CSMD1: variants seen among roughly 807,000 people sequenced by gnomAD.
CSMD1 encodes CUB and Sushi multiple domains 1.
A neutral mutation model predicts 417.5 loss-of-function variants in CSMD1; 213 were observed. The ratio of observed to expected loss-of-function variants is 0.51; its 90% CI spans 0.46 to 0.57. CSMD1 has a LOEUF of 0.57. Among genes scored for constraint, CSMD1 ranks in the 20% least tolerant of loss-of-function variants. The pLI is 0.00. For synonymous variants in CSMD1, 2,862 were observed against 1,736.8 expected, an observed-to-expected ratio of 1.65 and a Z score of -16.11; for missense variants, 6,923 against 4,529.7, an observed-to-expected ratio of 1.53 and a Z score of -15.17.
intron 3 of CSMD1, among the ~76,000 whole-genome samples, chr8:4,111,792 A>AT (rs1472776752): frequency 2.0e-5 from 3 of 152,172 alleles, no homozygotes; most frequent in Admixed American, 6.5e-5. Context: ...GAGGGAGAGC[A>AT]TCAGGATAAA....
At chr8:4,803,845 T>G (rs1191636533) in intron 1 of CSMD1, among the ~76,000 whole-genome samples, 1 of 152,212 alleles carries the variant, frequency 6.6e-6, no homozygotes, top group Non-Finnish European at 1.5e-5. Context: ...TAATTATGTG[T>G]GTGTTACATA....
rs1804890469 is a variant in CSMD1 at position 3,863,753 on chromosome 8, T to C, written c.819-109711A>G. Among the ~76,000 whole-genome samples, 3 of 152,186 alleles carry C rather than the reference T, an allele frequency of 2.0e-5. No homozygotes were observed. The South Asian group carries it at 6.2e-4, about 31-fold the overall frequency. ...TTTGTTTTCATTTCAAATGTTAAACTACCCAGAAGAGAATTTTCTACTAGT... is the reference window on the plus strand; with the variant it reads ...TTTGTTTTCATTTCAAATGTTAAACCACCCAGAAGAGAATTTTCTACTAGT... On this transcript the variant is annotated intron_variant, in intron 5 of 69. Coordinates refer to ENST00000635120, the MANE Select transcript of CSMD1 (RefSeq NM_033225.6).
At chr8:3,031,333 A>C (rs1689621399) in intron 50 of CSMD1, among the ~76,000 whole-genome samples, 2 of 145,956 alleles carry the variant, frequency 1.4e-5, no homozygotes, top group Non-Finnish European at 3.0e-5. Flanking sequence ...GGGAGGGTGG[A>C]GGGCTAGCAC....
chr8:3,693,812 T>C (rs1800388479), intron 7 of CSMD1, among the ~76,000 whole-genome samples: 1 of 150,324 alleles, frequency 6.7e-6, no homozygotes, highest in Non-Finnish European at 1.5e-5. Context: ...GTGTGTGTGT[T>C]GTGTTTGTTA....
chr8:3,224,815 G>T (rs750743409), intron 27 of CSMD1, among the ~76,000 whole-genome samples: 1 of 152,120 alleles, frequency 6.6e-6, no homozygotes, highest in Non-Finnish European at 1.5e-5. Context: ...TGTGAGATAA[G>T]GTTTCTCCTA....
intron 2 of CSMD1, among the ~76,000 whole-genome samples, chr8:4,520,281 C>T (rs1276802366): frequency 1.3e-5 from 2 of 152,112 alleles, no homozygotes; most frequent in African/African-American, 4.8e-5. Flanking sequence ...AAATAATACT[C>T]CCCAAACTTC....
chr8:4,525,627 C>T (rs1269355020), intron 2 of CSMD1, among the ~76,000 whole-genome samples: 1 of 152,030 alleles, frequency 6.6e-6, no homozygotes, highest in African/African-American at 2.4e-5. Flanking sequence ...AAAGTAATAG[C>T]GGTTTTTGTC....
chr8:4,104,363 G>A (rs1366583477), intron 3 of CSMD1, among the ~76,000 whole-genome samples: 1 of 152,158 alleles, frequency 6.6e-6, no homozygotes, highest in East Asian at 1.9e-4. Flanking sequence ...TGCACACTGT[G>A]AAAAAATGCA....
intron 2 of CSMD1, among the ~76,000 whole-genome samples, chr8:4,461,251 C>G (rs76797017): frequency 3.3e-5 from 5 of 151,956 alleles, no homozygotes; most frequent in Admixed American, 1.3e-4. Flanking sequence ...TAAAAGTCAC[C>G]TGCGAAAAGC....
chr8:4,085,673 C>T (rs946361565), intron 3 of CSMD1, among the ~76,000 whole-genome samples: 4 of 152,048 alleles, frequency 2.6e-5, no homozygotes, highest in Non-Finnish European at 5.9e-5. Context: ...CTGTGTGATT[C>T]CAGGATAATG....
At chr8:3,887,579 C>G (rs1432840871) in intron 5 of CSMD1, among the ~76,000 whole-genome samples, 1 of 152,080 alleles carries the variant, frequency 6.6e-6, no homozygotes. Flanking sequence ...TAGAGCAAGG[C>G]CAAGGAAATT....
intron 2 of CSMD1, among the ~76,000 whole-genome samples, chr8:4,547,396 T>A (rs1444745177): frequency 6.6e-6 from 1 of 152,224 alleles, no homozygotes; most frequent in African/African-American, 2.4e-5. Context: ...TCTTTTATAT[T>A]TGTGAGTGGA....
chr8:4,037,212 A>C (rs1310891597), intron 3 of CSMD1, among the ~76,000 whole-genome samples: 1 of 152,198 alleles, frequency 6.6e-6, no homozygotes, highest in Non-Finnish European at 1.5e-5. Flanking sequence ...AGAATTTTGT[A>C]GATGTTTTCT....
chr8:3,123,067 T>C (rs977544153), intron 41 of CSMD1, among the ~76,000 whole-genome samples: 1 of 152,168 alleles, frequency 6.6e-6, no homozygotes, highest in African/African-American at 2.4e-5. Context: ...TCCCTCATGA[T>C]TGATTGTTTT....
At position 4,736,076 on chromosome 8, in the gene CSMD1, T is replaced by C. The variant is rs530095366; in HGVS notation, c.86-98518A>G. Among the ~76,000 whole-genome samples, 6 of 152,306 alleles carry C rather than the reference T, an allele frequency of 3.9e-5. No homozygotes were observed. The East Asian group carries it at 7.7e-4, about 20-fold the overall frequency. On this transcript the variant is annotated intron_variant, in intron 1 of 69. Coordinates refer to ENST00000635120, the MANE Select transcript of CSMD1 (RefSeq NM_033225.6). ...TGCCCTGTGTTAGCCTTCATGAATA[T>C]GCCTGATTTTCATTGGAAAGCTTTG...
intron 2 of CSMD1, among the ~76,000 whole-genome samples, chr8:4,504,642 C>A (rs1027369433): frequency 1.4e-4 from 22 of 152,144 alleles, no homozygotes; most frequent in Non-Finnish European, 2.8e-4. Context: ...TGGCCCCCAC[C>A]TCCCGACAAA....
chr8:3,782,543 G>A (rs1285786669), intron 5 of CSMD1, among the ~76,000 whole-genome samples: 1 of 152,150 alleles, frequency 6.6e-6, no homozygotes, highest in African/African-American at 2.4e-5. Flanking sequence ...AATACCTAAG[G>A]TAAATGATGA....
intron 2 of CSMD1, among the ~76,000 whole-genome samples, chr8:4,583,778 G>A (rs1355675053): frequency 6.6e-6 from 1 of 152,090 alleles, no homozygotes; most frequent in African/African-American, 2.4e-5. Flanking sequence ...GATGTGGGTG[G>A]GGCCAGATAA....
At chr8:3,819,861 A>C (rs1801622309) in intron 5 of CSMD1, among the ~76,000 whole-genome samples, 1 of 152,138 alleles carries the variant, frequency 6.6e-6, no homozygotes, top group Non-Finnish European at 1.5e-5. Context: ...TGATTTTGCA[A>C]GGGGTAAACT....
Sources: gnomAD v4.1 joint callset for allele counts (sites outside exome capture counted in the v4.1 genomes callset) on GRCh38, gnomAD v4.1.1 for gene constraint, MANE v1.5 for transcripts, NCBI Gene and HGNC (gene_info 2026-07-23, HGNC 2026-07-21) for gene names.